The following KCTD16 variants were observed in gnomAD, a reference collection of about 807,000 sequenced individuals.
The protein encoded by KCTD16 is BTB/POZ domain-containing protein KCTD16.
Under a neutral mutation model 33.2 loss-of-function variants are expected in KCTD16, and 13 were observed. The observed-to-expected ratio is 0.39, with a 90% confidence interval of 0.25 to 0.62. The LOEUF (loss-of-function observed/expected upper bound fraction) is 0.62, where lower values mean the gene tolerates loss of function less well. KCTD16 is among the 20% of genes least tolerant of loss of function. KCTD16 has a pLI of 0.50. For synonymous variants in KCTD16, 197 were observed against 195.3 expected (o/e 1.01, Z -0.07); for missense variants, 441 against 525.1 (o/e 0.84, Z 1.57).
chr5:144,220,613 A>T, intron 3 of KCTD16, among the ~76,000 whole-genome samples: 1 of 151,982 alleles, frequency 6.6e-6, no homozygotes, highest in Non-Finnish European at 1.5e-5. Context: ...ATATACATGT[A>T]TGTAGGTGTA....
chr5:144,331,210 C>T (rs1409245115), intron 3 of KCTD16, among the ~76,000 whole-genome samples: 1 of 152,146 alleles, frequency 6.6e-6, no homozygotes, highest in Admixed American at 6.5e-5. Context: ...GCATCAGTTA[C>T]TTGAGGCACT....
rs551315546 is a variant in KCTD16 at position 144,202,336 on chromosome 5, G to A, written c.-326-4053G>A. 6.7e-4 allele frequency among the ~76,000 whole-genome samples: 102 copies of A among 152,318 alleles called. 1 individual carries two copies. The highest frequency in any genetic ancestry group is 2.4e-3 in the African/African-American group (101 of 41,566). On this transcript the variant is annotated intron_variant, in intron 2 of 3. Coordinates refer to ENST00000512467, the MANE Select transcript of KCTD16 (RefSeq NM_020768.4). The stretch of plus-strand genomic sequence containing the variant: ...TCTTGTTAAGGCACCAAACAGCCGG[G>A]CTTACCGACAACTTCCCTGAGACAT...
intron 3 of KCTD16, among the ~76,000 whole-genome samples, chr5:144,421,505 A>G (rs1364988767): frequency 6.6e-6 from 1 of 152,144 alleles, no homozygotes; most frequent in Admixed American, 6.6e-5. Flanking sequence ...ACAGAATATC[A>G]TGCCATCAGT....
intron 3 of KCTD16, among the ~76,000 whole-genome samples, chr5:144,434,283 C>T (rs189665573): frequency 1.3e-5 from 2 of 152,144 alleles, no homozygotes; most frequent in East Asian, 3.9e-4. Context: ...TACTCCCAAG[C>T]TAGGAAATGA....
chr5:144,179,016 A>T (rs928950385), intron 2 of KCTD16, among the ~76,000 whole-genome samples: 1 of 152,236 alleles, frequency 6.6e-6, no homozygotes, highest in African/African-American at 2.4e-5. Context: ...CTGGCTACAC[A>T]TATTAAGAAT....
intron 3 of KCTD16, among the ~76,000 whole-genome samples, chr5:144,430,538 A>G (rs1753435257): frequency 1.3e-5 from 2 of 152,160 alleles, no homozygotes; most frequent in Non-Finnish European, 2.9e-5. Context: ...CATTGCTAAA[A>G]TGAGAGAGAT....
chr5:144,278,952 G>T (rs1755527540), intron 3 of KCTD16, among the ~76,000 whole-genome samples: 1 of 152,156 alleles, frequency 6.6e-6, no homozygotes, highest in Admixed American at 6.5e-5. Context: ...CAATTAATGA[G>T]ATATCCCTCT....
At chr5:144,375,444 A>G (rs749816160) in intron 3 of KCTD16, among the ~76,000 whole-genome samples, 94 of 152,192 alleles carry the variant, frequency 6.2e-4, no homozygotes, top group Non-Finnish European at 4.6e-4. Flanking sequence ...AGAAAAAGTC[A>G]TGTCCCTGAA....
At chr5:144,225,559 TG>T (rs1753905987) in intron 3 of KCTD16, among the ~76,000 whole-genome samples, 1 of 107,602 alleles carries the variant, frequency 9.3e-6, no homozygotes, top group Admixed American at 1.0e-4. Context: ...AAATTGTGTG[TG>T]TGTGTGTGTG....
At chr5:144,214,124 C>A (rs182814858) in intron 3 of KCTD16, among the ~76,000 whole-genome samples, 142 of 152,212 alleles carry the variant, frequency 9.3e-4, no homozygotes, top group African/African-American at 3.3e-3. Flanking sequence ...CTTAGTTGCC[C>A]AAGGAGGAAT....
chr5:144,437,810 T>C (rs779922680), intron 3 of KCTD16, among the ~76,000 whole-genome samples: 6 of 152,154 alleles, frequency 3.9e-5, no homozygotes, highest in Non-Finnish European at 7.4e-5. Flanking sequence ...AATGTACCTG[T>C]CAATTCTGGG....
At position 144,474,566 on chromosome 5, in the gene KCTD16, G is replaced by A. The variant is rs1239129380; in HGVS notation, c.*452G>A. ...GTTTTTCCTTTTGTTTATGGGGTTG[G>A]GGGGAATGGCAGATTTATATGACTT... On this transcript the variant is annotated 3_prime_UTR_variant, in exon 4 of 4. Transcript: ENST00000512467. 6.1e-6 allele frequency: 1 copy of A among 164,050 alleles called. No individual in the cohort carries two copies. The highest frequency in any genetic ancestry group is 1.6e-4 in the South Asian group (1 of 6,168). The allele number at this position is 164,050 out of a possible 1,614,324, so 10.2% of individuals were successfully genotyped here.
At chr5:144,463,266 G>C (rs1362767527) in intron 3 of KCTD16, among the ~76,000 whole-genome samples, 1 of 152,076 alleles carries the variant, frequency 6.6e-6, no homozygotes, top group African/African-American at 2.4e-5. Context: ...TGAGTAGACT[G>C]CCTATTGAAA....
In KCTD16 at chr5:144,271,779, A is replaced by G. The variant is rs1423983506; in HGVS notation, c.832+64233A>G. Among the ~76,000 whole-genome samples the G allele has an allele frequency of 2.6e-4, 39 of 150,488 alleles. No individual in the cohort carries two copies. In the Admixed American group the frequency reaches 2.6e-3, roughly 10 times the overall value. ...AAAAACTACACACACACACACACAC[A>G]CACACACACAGAGTTAGAATTAATA... On this transcript the variant is annotated intron_variant, in intron 3 of 3. Coordinates refer to ENST00000512467, the MANE Select transcript of KCTD16 (RefSeq NM_020768.4).
At chr5:144,173,767 G>A (rs1411029799) in intron 1 of KCTD16, among the ~76,000 whole-genome samples, 1 of 152,112 alleles carries the variant, frequency 6.6e-6, no homozygotes, top group Non-Finnish European at 1.5e-5. Flanking sequence ...CAAGAACATT[G>A]AGTTACCTGA....
At chr5:144,255,259 G>A (rs1299660073) in intron 3 of KCTD16, among the ~76,000 whole-genome samples, 1 of 152,098 alleles carries the variant, frequency 6.6e-6, no homozygotes, top group Admixed American at 6.5e-5. Context: ...CTTGGCTTTT[G>A]TGAATAGTGC....
chr5:144,301,604 A>G (rs183510565), intron 3 of KCTD16, among the ~76,000 whole-genome samples: 1 of 152,326 alleles, frequency 6.6e-6, no homozygotes, highest in East Asian at 1.9e-4. Context: ...TTAAGAATCC[A>G]TCTCTACTTT....
intron 3 of KCTD16, among the ~76,000 whole-genome samples, chr5:144,323,292 A>G (rs1370684948): frequency 3.3e-5 from 5 of 152,170 alleles, no homozygotes; most frequent in Admixed American, 1.3e-4. Context: ...CTTTTTGGCT[A>G]TAGATGTGTT....
chr5:144,230,723 C>G lies in KCTD16; in HGVS notation c.832+23177C>G, dbSNP rs1345072216. On this transcript the variant is annotated intron_variant, in intron 3 of 3. Coordinates refer to ENST00000512467, the MANE Select transcript of KCTD16 (RefSeq NM_020768.4). The stretch of plus-strand genomic sequence containing the variant: ...GTATAATGTATGAATATATGGAACA[C>G]TTTTATAATATGGAAGTGATACAAG... 2.0e-5 allele frequency among the ~76,000 whole-genome samples: 3 copies of G among 151,814 alleles called. No individual in the cohort carries two copies. The East Asian group carries it at 5.8e-4, about 29-fold the overall frequency.
Sources: allele counts gnomAD v4.1 joint callset (sites outside exome capture counted in the v4.1 genomes callset), GRCh38; gene constraint gnomAD v4.1.1; transcripts MANE v1.5; gene names NCBI Gene and HGNC (gene_info 2026-07-23, HGNC 2026-07-21).